The following CDKAL1 variants were observed in gnomAD, a reference collection of about 807,000 sequenced individuals.
The protein encoded by CDKAL1 is threonylcarbamoyladenosine tRNA methylthiotransferase.
Under a neutral mutation model 68.2 loss-of-function variants are expected in CDKAL1, and 32 were observed. That is an observed-to-expected ratio of 0.47 (90% CI 0.35 to 0.63). The LOEUF (loss-of-function observed/expected upper bound fraction) is 0.63. Among genes scored for constraint, CDKAL1 ranks in the 30% least tolerant of loss-of-function variants. The pLI, the probability that CDKAL1 is intolerant of heterozygous loss-of-function variation, is 0.00. For missense variants in CDKAL1, 606 were observed against 696.7 expected, an observed-to-expected ratio of 0.87 and a Z score of 1.47; for synonymous variants, 234 against 244.3, an observed-to-expected ratio of 0.96 and a Z score of 0.39.
In CDKAL1 at chr6:20,995,538, C is replaced by T. The variant is rs1258337372; in HGVS notation, c.910-4689C>T. On this transcript the variant is annotated intron_variant, in intron 10 of 15. Transcript: ENST00000274695. ...ATCAGATCTCTTAGATGACCAGGTGCATTGTCCATGAGCAGTAATATTTTG... is the reference window on the plus strand; with the variant it reads ...ATCAGATCTCTTAGATGACCAGGTGTATTGTCCATGAGCAGTAATATTTTG... 2.6e-5 allele frequency among the ~76,000 whole-genome samples: 4 copies of T among 152,302 alleles called. No homozygotes were observed. The East Asian group carries it at 7.7e-4, about 29-fold the overall frequency.
rs141238620 is a variant in CDKAL1 at position 21,051,270 on chromosome 6, A to T, written c.1056-13778A>T. 6.4e-3 allele frequency among the ~76,000 whole-genome samples: 970 copies of T among 152,320 alleles called. 8 individuals carry two copies. Among genetic ancestry groups the T allele is most frequent in the Non-Finnish European group, 8.3e-3 (562 of 68,028 alleles). On this transcript the variant is annotated intron_variant, in intron 11 of 15. Transcript: ENST00000274695. ...TACTTTGTAGTCCCAGCTACTTGGG[A>T]GGCTGAGGCAGGAGGATCATTTGCA...
intron 9 of CDKAL1, among the ~76,000 whole-genome samples, chr6:20,882,829 T>C (rs1760890509): frequency 6.6e-6 from 1 of 152,248 alleles, no homozygotes; most frequent in South Asian, 2.1e-4. Context: ...ATGTAGTCTT[T>C]ACTTATTGTG....
intron 13 of CDKAL1, among the ~76,000 whole-genome samples, chr6:21,132,700 A>G (rs1582266887): frequency 6.6e-6 from 1 of 152,004 alleles, no homozygotes; most frequent in Non-Finnish European, 1.5e-5. Context: ...GTGTTTTTCA[A>G]TGTATTATTT....
At chr6:20,548,041 A>T (rs1763672012) in intron 3 of CDKAL1, among the ~76,000 whole-genome samples, 1 of 152,210 alleles carries the variant, frequency 6.6e-6, no homozygotes, top group Admixed American at 6.5e-5. Context: ...CAATTCAGAG[A>T]AAAAGGATAT....
At chr6:20,866,187 A>G (rs1759897616) in intron 9 of CDKAL1, among the ~76,000 whole-genome samples, 1 of 152,190 alleles carries the variant, frequency 6.6e-6, no homozygotes, top group Non-Finnish European at 1.5e-5. Flanking sequence ...GATTGAACCC[A>G]AACAGCAGGG....
chr6:20,550,882 T>C (rs1231898099), intron 4 of CDKAL1, among the ~76,000 whole-genome samples: 2 of 144,370 alleles, frequency 1.4e-5, no homozygotes, highest in Admixed American at 6.9e-5. Context: ...TTTTTTTTTT[T>C]TTGAGACAGA....
intron 5 of CDKAL1, among the ~76,000 whole-genome samples, chr6:20,731,874 G>T (rs1019571600): frequency 1.3e-5 from 2 of 152,060 alleles, no homozygotes; most frequent in African/African-American, 2.4e-5. Flanking sequence ...TTGTCATGGA[G>T]CCCCATCAGA....
chr6:21,180,788 A>G (rs1332125907), intron 13 of CDKAL1, among the ~76,000 whole-genome samples: 1 of 152,174 alleles, frequency 6.6e-6, no homozygotes, highest in African/African-American at 2.4e-5. Context: ...TGGTAAGAAA[A>G]GAACTGTTTA....
chr6:20,874,310 T>G (rs1268616821), intron 9 of CDKAL1, among the ~76,000 whole-genome samples: 3 of 30,148 alleles, frequency 1.0e-4, no homozygotes, highest in African/African-American at 4.7e-4. Flanking sequence ...TGTTTGTTTG[T>G]TTTTTTTTTG....
chr6:20,811,945 A>G (rs998450016), intron 8 of CDKAL1, among the ~76,000 whole-genome samples: 3 of 152,208 alleles, frequency 2.0e-5, no homozygotes, highest in Non-Finnish European at 4.4e-5. Flanking sequence ...TATAAAAGCC[A>G]TCCTTAGATC....
At chr6:21,062,286 C>T (rs544059431) in intron 11 of CDKAL1, among the ~76,000 whole-genome samples, 6 of 152,274 alleles carry the variant, frequency 3.9e-5, no homozygotes, top group African/African-American at 1.4e-4. Context: ...ATGGACTATT[C>T]TCTATTATGA....
chr6:20,867,312 T>C (rs936030689), intron 9 of CDKAL1, among the ~76,000 whole-genome samples: 2 of 152,214 alleles, frequency 1.3e-5, no homozygotes, highest in African/African-American at 4.8e-5. Flanking sequence ...CTTTGTGAAT[T>C]TGGAGATTTA....
In CDKAL1 at chr6:21,205,807, A is replaced by C. The variant is rs1386847116; in HGVS notation, c.1548+4533A>C. Among the ~76,000 whole-genome samples, 3 of 137,426 alleles carry C rather than the reference A, an allele frequency of 2.2e-5. No individual in the cohort carries two copies. The East Asian group carries it at 6.5e-4, about 30-fold the overall frequency. 90.2% of individuals were successfully genotyped at this position (137,426 alleles called of 152,430 possible). The stretch of plus-strand genomic sequence containing the variant: ...TGGCCTCCCAAAGTGCTGGGATTAC[A>C]TGCGTGAGCCCCCGCGCCCAGCCTT... On this transcript the variant is annotated intron_variant, in intron 15 of 15. Coordinates refer to ENST00000274695, the MANE Select transcript of CDKAL1 (RefSeq NM_017774.3).
In CDKAL1 at chr6:21,069,788, T is replaced by TC. The variant is rs1771663545; in HGVS notation, c.1236+4560_1236+4561insC. Among the ~76,000 whole-genome samples the TC allele has an allele frequency of 5.3e-5, 4 of 75,000 alleles. No individual in the cohort carries two copies. The South Asian group carries it at 1.7e-3, about 31-fold the overall frequency. 49.2% of individuals were successfully genotyped at this position (75,000 alleles called of 152,430 possible). A position where few individuals can be genotyped will look rare whatever the true frequency, so the allele number is the denominator to read the frequency against. On this transcript the variant is annotated intron_variant, in intron 12 of 15. Transcript: ENST00000274695. ...AGATTTTCTTTCTTTTTTTTTTTTT[T>TC]TTTTTTTTTTTTTTTTAAAACAGAG...
intron 2 of CDKAL1, among the ~76,000 whole-genome samples, chr6:20,537,236 A>G (rs1763210775): frequency 6.6e-6 from 1 of 152,156 alleles, no homozygotes; most frequent in Non-Finnish European, 1.5e-5. Flanking sequence ...AATTACCTGG[A>G]CAGTTTCTAT....
chr6:20,831,866 CG>C (rs754210638), intron 8 of CDKAL1, among the ~76,000 whole-genome samples: 32 of 152,080 alleles, frequency 2.1e-4, no homozygotes, highest in Non-Finnish European at 2.9e-4. Flanking sequence ...GTAGAATGGT[CG>C]ACGTTGAGTT....
intron 9 of CDKAL1, among the ~76,000 whole-genome samples, chr6:20,941,405 T>C (rs1334487037): frequency 6.6e-6 from 1 of 152,148 alleles, no homozygotes; most frequent in Non-Finnish European, 1.5e-5. Flanking sequence ...AATTAAGAGA[T>C]TAATTCTAAT....
In CDKAL1 at chr6:21,065,698, T is replaced by G. The variant is rs1771401804; in HGVS notation, c.1236+470T>G. Among the ~76,000 whole-genome samples, 3 of 151,648 alleles carry G rather than the reference T, an allele frequency of 2.0e-5. No homozygotes were observed. The South Asian group carries it at 6.3e-4, about 32-fold the overall frequency. On this transcript the variant is annotated intron_variant, in intron 12 of 15. Transcript: ENST00000274695. Reference sequence around the variant, plus strand: ...TACCTTTTTTTTTTTTTCAGTTTTTTCACAACGAGCCTCAATTTAATTTTA... The same window carrying G: ...TACCTTTTTTTTTTTTTCAGTTTTTGCACAACGAGCCTCAATTTAATTTTA...
intron 8 of CDKAL1, among the ~76,000 whole-genome samples, chr6:20,784,592 CTT>C (rs1220002499): frequency 3.3e-5 from 5 of 150,704 alleles, no homozygotes; most frequent in Non-Finnish European, 4.4e-5. Flanking sequence ...ACCCAGCTAG[CTT>C]TTGTATTTTT....
Sources: allele counts gnomAD v4.1 joint callset (sites outside exome capture counted in the v4.1 genomes callset), GRCh38; gene constraint gnomAD v4.1.1; transcripts MANE v1.5; gene names NCBI Gene and HGNC (gene_info 2026-07-23, HGNC 2026-07-21).